The following LGSN variants were observed in gnomAD, a reference collection of about 807,000 sequenced individuals.
The protein encoded by LGSN is lengsin.
A neutral mutation model predicts 19.5 loss-of-function variants in LGSN; 21 were observed. The observed-to-expected ratio is 1.07, with a 90% CI of 0.76 to 1.55. The LOEUF (loss-of-function observed/expected upper bound fraction) is 1.55, where lower values mean the gene tolerates loss of function less well. Ranked by LOEUF, LGSN falls within the 40% of genes most tolerant of loss-of-function variation. LGSN has a pLI of 0.00. For missense variants in LGSN, 673 were observed against 608.5 expected (o/e 1.11, Z -1.12); for synonymous variants, 257 against 215.6 (o/e 1.19, Z -1.68).
the LGSN span, among the ~76,000 whole-genome samples, chr6:63,343,993 G>C: frequency 6.6e-6 from 1 of 152,092 alleles, no homozygotes; most frequent in African/African-American, 2.4e-5. Context: ...AGGGACCTGA[G>C]TCCTACAGAT....
the LGSN span, among the ~76,000 whole-genome samples, chr6:63,356,993 C>T: frequency 0.015 from 1,848 of 124,960 alleles, 12 homozygotes; most frequent in Middle Eastern, 0.022. Flanking sequence ...CCCCCCACCC[C>T]ACAACAGGCC....
At chr6:63,400,153 T>G in the LGSN span, among the ~76,000 whole-genome samples, 1 of 152,208 alleles carries the variant, frequency 6.6e-6, no homozygotes. Context: ...TAGATGTTAG[T>G]TGAATCAAGT....
chr6:63,328,736 G>T, the LGSN span, among the ~76,000 whole-genome samples: 2 of 152,214 alleles, frequency 1.3e-5, no homozygotes, highest in Non-Finnish European at 2.9e-5. Context: ...TAAAGCTGGA[G>T]CTTGTACTAG....
chr6:63,395,838 G>C, the LGSN span: 1 of 154,810 alleles, frequency 6.5e-6, no homozygotes, highest in Non-Finnish European at 1.5e-5. Flanking sequence ...GCACTGTGGA[G>C]AGCCTGGAAC....
chr6:63,551,753 T>C, the LGSN span, among the ~76,000 whole-genome samples: 1 of 150,644 alleles, frequency 6.6e-6, no homozygotes. Flanking sequence ...GTTCTCATTG[T>C]TCAATTCCCA....
the LGSN span, among the ~76,000 whole-genome samples, chr6:63,456,373 A>ACTT: frequency 4.7e-5 from 2 of 42,580 alleles, no homozygotes; most frequent in African/African-American, 1.1e-4. Context: ...ATATATATAT[A>ACTT]TATATATATA....
the LGSN span, among the ~76,000 whole-genome samples, chr6:63,349,307 G>A: frequency 2.6e-5 from 4 of 152,228 alleles, no homozygotes; most frequent in Admixed American, 2.6e-4. Context: ...GCAGAGACTG[G>A]AGACTGGGGG....
At chr6:63,364,277 G>T in the LGSN span, among the ~76,000 whole-genome samples, 8 of 151,970 alleles carry the variant, frequency 5.3e-5, no homozygotes, top group African/African-American at 1.7e-4. Context: ...AAAAAAACGG[G>T]TTGCAATCCC....
chr6:63,461,435 G>A, the LGSN span, among the ~76,000 whole-genome samples: 6 of 152,196 alleles, frequency 3.9e-5, no homozygotes, highest in South Asian at 4.1e-4. Context: ...AGGAGCCTGA[G>A]CTAAAGGATA....
At chr6:63,350,554 C>T in the LGSN span, among the ~76,000 whole-genome samples, 5 of 152,064 alleles carry the variant, frequency 3.3e-5, no homozygotes, top group Admixed American at 6.5e-5. Flanking sequence ...AAACTAACTA[C>T]AAAGTAAACA....
chr6:63,356,664 A>G, the LGSN span, among the ~76,000 whole-genome samples: 1 of 152,174 alleles, frequency 6.6e-6, no homozygotes, highest in Non-Finnish European at 1.5e-5. Context: ...TAGAGAAGGT[A>G]AGATGTGAAC....
At chr6:63,335,738 T>C in the LGSN span, among the ~76,000 whole-genome samples, 2 of 152,028 alleles carry the variant, frequency 1.3e-5, no homozygotes, top group African/African-American at 4.8e-5. Flanking sequence ...ATATAGCCAC[T>C]ATGGAGAACA....
At chr6:63,451,578 C>T in the LGSN span, among the ~76,000 whole-genome samples, 1 of 152,006 alleles carries the variant, frequency 6.6e-6, no homozygotes, top group Non-Finnish European at 1.5e-5. Flanking sequence ...AGGGGAACAA[C>T]ACAAACTGGG....
At chr6:63,486,200 A>G in the LGSN span, among the ~76,000 whole-genome samples, 1 of 152,154 alleles carries the variant, frequency 6.6e-6, no homozygotes, top group Non-Finnish European at 1.5e-5. Context: ...ATACACATTA[A>G]CCTAAATATC....
the LGSN span, among the ~76,000 whole-genome samples, chr6:63,465,951 T>C: frequency 6.6e-6 from 1 of 152,236 alleles, no homozygotes; most frequent in African/African-American, 2.4e-5. Flanking sequence ...ATATTGTGCC[T>C]ATGAATCATT....
At chr6:63,281,301 G>GA (rs1465617710) in intron 3 of LGSN, 81 bp from the exon 4 acceptor site, 1 of 99,272 alleles carries the variant, frequency 1.0e-5, no homozygotes, top group African/African-American at 5.3e-5. Flanking sequence ...CCTTGCTAAT[G>GA]AAAATATATA....
the LGSN span, among the ~76,000 whole-genome samples, chr6:63,351,579 T>C: frequency 6.6e-6 from 1 of 152,002 alleles, no homozygotes; most frequent in Admixed American, 6.6e-5. Context: ...GTGCCTCAGC[T>C]TCAAGCAGCT....
upstream of LGSN, among the ~76,000 whole-genome samples, chr6:63,324,808 T>TTA (rs1562025243): frequency 7.1e-6 from 1 of 141,214 alleles, no homozygotes; most frequent in African/African-American, 2.6e-5. Context: ...AACACCTACA[T>TTA]AAAAAAAAAA....
chr6:63,359,878 C>A, the LGSN span, among the ~76,000 whole-genome samples: 1 of 152,106 alleles, frequency 6.6e-6, no homozygotes, highest in South Asian at 2.1e-4. Flanking sequence ...AATCTCTCAG[C>A]ATTTGCTCGT....
Sources: gnomAD v4.1 joint callset for allele counts (sites outside exome capture counted in the v4.1 genomes callset) on GRCh38, gnomAD v4.1.1 for gene constraint, MANE v1.5 for transcripts, NCBI Gene and HGNC (gene_info 2026-07-23, HGNC 2026-07-21) for gene names.